The following LIPI variants were observed in gnomAD, a reference collection of about 807,000 sequenced individuals.
LIPI encodes the protein lipase member I.
LIPI carries 59 observed loss-of-function variants against 50.6 expected under a neutral mutation model. The observed-to-expected ratio is 1.16, with a 90% CI of 0.94 to 1.45. The LOEUF (loss-of-function observed/expected upper bound fraction) is 1.45. Ranked by LOEUF, LIPI falls within the 40% of genes most tolerant of loss-of-function variation. The pLI is 0.00. For synonymous variants in LIPI, 203 were observed against 178.2 expected (o/e 1.14, Z -1.11); for missense variants, 586 against 536.3 (o/e 1.09, Z -0.92).
intron 9 of LIPI, among the ~76,000 whole-genome samples, chr21:14,130,256 T>C (rs565091045): frequency 3.8e-4 from 58 of 152,150 alleles, no homozygotes; most frequent in Middle Eastern, 3.4e-3. Flanking sequence ...AGGAGAATCG[T>C]GTGAACCCTG....
intron 9 of LIPI, among the ~76,000 whole-genome samples, chr21:14,120,949 C>T (rs998401904): frequency 1.3e-5 from 2 of 152,132 alleles, no homozygotes; most frequent in Admixed American, 1.3e-4. Flanking sequence ...AAGGAAAGGG[C>T]CTACTCAGAC....
intron 8 of LIPI, among the ~76,000 whole-genome samples, chr21:14,152,303 T>A (rs1012739002): frequency 1.3e-5 from 2 of 152,046 alleles, no homozygotes; most frequent in Non-Finnish European, 2.9e-5. Context: ...GGTTTCACCA[T>A]GTTAGCCAGG....
intron 1 of LIPI, among the ~76,000 whole-genome samples, chr21:14,196,665 A>C (rs2019870381): frequency 6.6e-6 from 1 of 150,636 alleles, no homozygotes; most frequent in Non-Finnish European, 1.5e-5. Flanking sequence ...TGTCTTTACA[A>C]AAAAAAAGTA....
At chr21:14,165,549 G>A (rs1195289925) in intron 5 of LIPI, among the ~76,000 whole-genome samples, 159 bp from the exon 6 acceptor site, 1 of 152,006 alleles carries the variant, frequency 6.6e-6, no homozygotes, top group Non-Finnish European at 1.5e-5. Flanking sequence ...TAAACAAATA[G>A]TACCAATGAA....
rs1346269393 is a variant in LIPI, at chr21:14,152,618, T to C, written c.1073A>G (p.Lys358Arg). ...AATCATTCCAAGCTGATTTAATAAT[T>C]TAAATGAAAACGAGCCATCCATCAT... The part of the protein sequence containing the change: ...KTMMDGSFSF[K>R]LLNQLGMIEE... Residue 358 changes from lysine to arginine, a missense_variant, in exon 8 of 10, where the codon AAA (lysine) becomes AGA (arginine). Physicochemically the swap from Lys to Arg is conservative, Grantham distance 26. Coordinates refer to ENST00000681601, the MANE Select transcript of LIPI (RefSeq NM_001302998.2). 5.0e-6 allele frequency: 8 copies of C among 1,591,558 alleles called. No homozygotes were observed. Among genetic ancestry groups the C allele is most frequent in the Non-Finnish European group, 4.3e-6 (5 of 1,160,992 alleles).
chr21:14,136,649 C>G (rs2017510157), intron 9 of LIPI, among the ~76,000 whole-genome samples: 1 of 151,896 alleles, frequency 6.6e-6, no homozygotes. Context: ...ACCTCACCAC[C>G]CTAAAAGGAA....
At chr21:14,189,774 C>T (rs1195607397) in intron 1 of LIPI, among the ~76,000 whole-genome samples, 2 of 152,040 alleles carry the variant, frequency 1.3e-5, no homozygotes, top group East Asian at 3.9e-4. Flanking sequence ...AAAAGTTTTA[C>T]AGAGTAGTCC....
chr21:14,208,734 A>G (rs2020288993), intron 1 of LIPI, among the ~76,000 whole-genome samples: 1 of 152,196 alleles, frequency 6.6e-6, no homozygotes, highest in Non-Finnish European at 1.5e-5. Context: ...CAAAACGTAA[A>G]ATATTTACTA....
At chr21:14,195,951 G>A (rs2019828110) in intron 1 of LIPI, among the ~76,000 whole-genome samples, 1 of 152,100 alleles carries the variant, frequency 6.6e-6, no homozygotes, top group African/African-American at 2.4e-5. Context: ...CAAAACCAAT[G>A]AGGATGTAAA....
chr21:14,112,725 C>T (rs370654669), intron 9 of LIPI, among the ~76,000 whole-genome samples: 3 of 152,052 alleles, frequency 2.0e-5, no homozygotes, highest in East Asian at 3.9e-4. Context: ...TGGAATCATA[C>T]TCTTATAAGA....
intron 4 of LIPI, among the ~76,000 whole-genome samples, chr21:14,172,671 A>T (rs2018957785): frequency 6.6e-6 from 1 of 150,594 alleles, no homozygotes. Context: ...AACAATGAGA[A>T]CACATGGACA....
At chr21:14,139,551 TACATAG>T (rs1257625937) in intron 9 of LIPI, among the ~76,000 whole-genome samples, 1 of 152,050 alleles carries the variant, frequency 6.6e-6, no homozygotes, top group Admixed American at 6.6e-5. Flanking sequence ...TTGAAGAAAA[TACATAG>T]ACTCAACATC....
intron 9 of LIPI, among the ~76,000 whole-genome samples, chr21:14,125,801 C>T: frequency 6.6e-6 from 1 of 152,092 alleles, no homozygotes; most frequent in East Asian, 1.9e-4. Flanking sequence ...GTGATCCGCC[C>T]GCCTCCGCCT....
intron 4 of LIPI, among the ~76,000 whole-genome samples, 157 bp from the exon 5 acceptor site, chr21:14,166,608 ATTCCTTCAT>A (rs2018695601): frequency 6.6e-6 from 1 of 152,256 alleles, no homozygotes; most frequent in East Asian, 1.9e-4. Flanking sequence ...TTCTTCTATA[ATTCCTTCAT>A]GAAAAGTATA....
At chr21:14,158,761 G>A (rs1375433659) in intron 7 of LIPI, among the ~76,000 whole-genome samples, 3 of 150,346 alleles carry the variant, frequency 2.0e-5, no homozygotes, top group Non-Finnish European at 4.5e-5. Context: ...TAGCAAGACA[G>A]ACAAAATAAA....
chr21:14,191,027 A>G (rs918792348), intron 1 of LIPI, among the ~76,000 whole-genome samples: 2 of 152,192 alleles, frequency 1.3e-5, no homozygotes, highest in South Asian at 2.1e-4. Context: ...AAGATATAAA[A>G]TATTTTTCAT....
intron 4 of LIPI, among the ~76,000 whole-genome samples, chr21:14,178,644 T>C (rs957787160): frequency 2.0e-5 from 3 of 152,178 alleles, no homozygotes; most frequent in African/African-American, 7.2e-5. Context: ...CAATTACTTT[T>C]GCACCAACTT....
chr21:14,179,512 A>C (rs920343074), intron 4 of LIPI, among the ~76,000 whole-genome samples: 2 of 152,170 alleles, frequency 1.3e-5, no homozygotes, highest in Admixed American at 6.6e-5. Context: ...TAAGTCAAAA[A>C]TGCAAACAAA....
intron 9 of LIPI, among the ~76,000 whole-genome samples, chr21:14,112,560 T>C (rs1445453312): frequency 6.6e-6 from 1 of 152,102 alleles, no homozygotes; most frequent in Non-Finnish European, 1.5e-5. Flanking sequence ...ACCTTTTTGA[T>C]TAAATTTATT....
Sources: allele counts gnomAD v4.1 joint callset (sites outside exome capture counted in the v4.1 genomes callset), GRCh38; gene constraint gnomAD v4.1.1; transcripts MANE v1.5; gene names NCBI Gene and HGNC (gene_info 2026-07-23, HGNC 2026-07-21).